Variants in ADK observed in about 807,000 individuals in gnomAD.
ADK encodes the protein adenosine kinase.
Under a neutral mutation model 44.7 loss-of-function variants are expected in ADK, and 24 were observed. The observed-to-expected ratio is 0.54, with a 90% CI of 0.39 to 0.76. The LOEUF (loss-of-function observed/expected upper bound fraction) is 0.76, where lower values mean the gene tolerates loss of function less well. Among genes scored for constraint, ADK ranks in the 30% least tolerant of loss-of-function variants. ADK has a pLI of 0.00. For synonymous variants in ADK, 128 were observed against 142.6 expected (o/e 0.90, Z 0.73); for missense variants, 321 against 425.1 (o/e 0.76, Z 2.15).
intron 10 of ADK, among the ~76,000 whole-genome samples, chr10:74,684,794 C>A (rs1855730789): frequency 6.6e-6 from 1 of 152,072 alleles, no homozygotes; most frequent in Non-Finnish European, 1.5e-5. Context: ...TAAAACATGT[C>A]TTTGTAGAAA....
At chr10:74,399,036 A>C (rs1334968109) in intron 6 of ADK, among the ~76,000 whole-genome samples, 1 of 151,992 alleles carries the variant, frequency 6.6e-6, no homozygotes, top group Non-Finnish European at 1.5e-5. Context: ...TCTTAATTTA[A>C]TATTTCAGAA....
At chr10:74,450,489 C>A (rs1845736635) in intron 6 of ADK, among the ~76,000 whole-genome samples, 1 of 152,074 alleles carries the variant, frequency 6.6e-6, no homozygotes, top group Non-Finnish European at 1.5e-5. Flanking sequence ...ATAAATACTG[C>A]TTGATGAATT....
chr10:74,585,383 G>A (rs1851495490), intron 7 of ADK, among the ~76,000 whole-genome samples: 1 of 152,186 alleles, frequency 6.6e-6, no homozygotes, highest in Non-Finnish European at 1.5e-5. Context: ...AAATGATACT[G>A]TATTATAGCA....
chr10:74,460,502 A>T (rs913173829), intron 6 of ADK, among the ~76,000 whole-genome samples: 2 of 152,208 alleles, frequency 1.3e-5, no homozygotes, highest in African/African-American at 4.8e-5. Flanking sequence ...TTTCAGGTGT[A>T]TATTAACTTC....
At chr10:74,390,374 G>T (rs139953212) in intron 4 of ADK, among the ~76,000 whole-genome samples, 1 of 152,204 alleles carries the variant, frequency 6.6e-6, no homozygotes, top group Admixed American at 6.5e-5. Flanking sequence ...ATTCTTTAAA[G>T]GAATGATTTA....
chr10:74,331,853 CTTTA>C (rs1053174178), intron 4 of ADK, among the ~76,000 whole-genome samples: 3 of 151,958 alleles, frequency 2.0e-5, no homozygotes, highest in African/African-American at 7.2e-5. Context: ...TTAAATTTTA[CTTTA>C]TTTATTTATT....
intron 9 of ADK, among the ~76,000 whole-genome samples, chr10:74,600,837 T>G (rs1852096440): frequency 6.6e-6 from 1 of 152,030 alleles, no homozygotes; most frequent in Non-Finnish European, 1.5e-5. Flanking sequence ...TACTCAATTA[T>G]GAACAAATAA....
At chr10:74,196,080 A>T (rs539828230) in intron 1 of ADK, among the ~76,000 whole-genome samples, 11 of 151,542 alleles carry the variant, frequency 7.3e-5, no homozygotes, top group Admixed American at 3.9e-4. Context: ...CTGGGATTAC[A>T]GGTGTGAGCC....
chr10:74,597,665 G>A (rs1372354861), intron 8 of ADK, among the ~76,000 whole-genome samples: 1 of 152,192 alleles, frequency 6.6e-6, no homozygotes, highest in Non-Finnish European at 1.5e-5. Flanking sequence ...AACCACAGAA[G>A]TGATGTTCCT....
At chr10:74,542,648 G>C (rs1464765018) in intron 7 of ADK, among the ~76,000 whole-genome samples, 1 of 151,852 alleles carries the variant, frequency 6.6e-6, no homozygotes, top group Non-Finnish European at 1.5e-5. Flanking sequence ...TTCCTACCCT[G>C]TTTCTTCCTA....
intron 3 of ADK, among the ~76,000 whole-genome samples, chr10:74,284,379 C>T (rs1211207734): frequency 1.3e-5 from 2 of 151,232 alleles, no homozygotes; most frequent in African/African-American, 4.9e-5. Flanking sequence ...AGTCTCCTGC[C>T]TCAGCCTCCC....
chr10:74,232,533 A>G (rs922965114), intron 3 of ADK, among the ~76,000 whole-genome samples: 1 of 132,660 alleles, frequency 7.5e-6, no homozygotes, highest in African/African-American at 3.1e-5. Flanking sequence ...AAAAACAAAC[A>G]AACAACCCCC....
intron 3 of ADK, among the ~76,000 whole-genome samples, chr10:74,249,007 T>C (rs1322560422): frequency 6.6e-6 from 1 of 152,222 alleles, no homozygotes; most frequent in Admixed American, 6.5e-5. Flanking sequence ...TTTATGATTA[T>C]AAATATTTTC....
At chr10:74,690,855 C>T (rs1589372938) in intron 10 of ADK, among the ~76,000 whole-genome samples, 1 of 152,198 alleles carries the variant, frequency 6.6e-6, no homozygotes, top group African/African-American at 2.4e-5. Flanking sequence ...AGTACCTAGA[C>T]ATTCAATAGC....
At chr10:74,258,220 C>T (rs1389299928) in intron 3 of ADK, among the ~76,000 whole-genome samples, 1 of 152,050 alleles carries the variant, frequency 6.6e-6, no homozygotes, top group African/African-American at 2.4e-5. Flanking sequence ...TATTTGCTTA[C>T]ATAAGTTGGC....
chr10:74,498,658 T>C (rs1403863665), intron 6 of ADK, among the ~76,000 whole-genome samples: 3 of 152,218 alleles, frequency 2.0e-5, no homozygotes, highest in East Asian at 3.8e-4. Context: ...GTTTATCTCC[T>C]AATGCTATCC....
At chr10:74,377,011 G>C (rs1842839412) in intron 4 of ADK, among the ~76,000 whole-genome samples, 1 of 151,966 alleles carries the variant, frequency 6.6e-6, no homozygotes, top group Non-Finnish European at 1.5e-5. Flanking sequence ...CATCATATCT[G>C]GTGGTTCCAC....
At chr10:74,631,400 A>G (rs1427573177) in intron 9 of ADK, among the ~76,000 whole-genome samples, 4 of 148,090 alleles carry the variant, frequency 2.7e-5, no homozygotes, top group Non-Finnish European at 4.5e-5. Context: ...TCAGCCTCCC[A>G]TGCCCAGCTA....
intron 6 of ADK, among the ~76,000 whole-genome samples, chr10:74,430,935 A>G (rs1480824867): frequency 1.3e-5 from 2 of 152,044 alleles, no homozygotes; most frequent in Admixed American, 6.5e-5. Context: ...TGGCTGCTAT[A>G]TAGAAAATAG....
Sources: allele counts gnomAD v4.1 joint callset (sites outside exome capture counted in the v4.1 genomes callset), GRCh38; gene constraint gnomAD v4.1.1; transcripts MANE v1.5; gene names NCBI Gene and HGNC (gene_info 2026-07-23, HGNC 2026-07-21).